GFRA2: variants seen among roughly 807,000 people sequenced by gnomAD.
GFRA2 encodes GDNF family receptor alpha-2.
GFRA2 carries 17 observed loss-of-function variants against 48.3 expected under a neutral mutation model. That is an observed-to-expected ratio of 0.35 (90% CI 0.24 to 0.53). GFRA2 has a LOEUF of 0.53. Ranked by LOEUF, GFRA2 falls within the 20% of genes least tolerant of loss-of-function variation. GFRA2 has a pLI of 0.93. For missense variants in GFRA2, 660 were observed against 637.3 expected (o/e 1.04, Z -0.38); for synonymous variants, 305 against 257.2 (o/e 1.19, Z -1.78).
intron 3 of GFRA2, among the ~76,000 whole-genome samples, chr8:21,753,628 GA>G (rs1805405309): frequency 6.7e-6 from 1 of 150,196 alleles, no homozygotes; most frequent in Admixed American, 6.6e-5. Context: ...CAAAAAAAAA[GA>G]AAAAAAGAAA....
At chr8:21,698,472 G>A (rs575069085) in intron 7 of GFRA2, among the ~76,000 whole-genome samples, 18 of 152,284 alleles carry the variant, frequency 1.2e-4, no homozygotes, top group African/African-American at 4.1e-4. Flanking sequence ...AGCGCAGGCC[G>A]GCATTCCCAG....
chr8:21,726,793 C>T (rs1487428275), intron 4 of GFRA2, among the ~76,000 whole-genome samples: 12 of 149,008 alleles, frequency 8.1e-5, no homozygotes, highest in Admixed American at 1.3e-4. Flanking sequence ...CACTCTGTGG[C>T]CCAGGCTGGA....
rs1394409121 is a variant in GFRA2, at chr8:21,690,558, G to A, written c.*2720C>T. 3 of 152,200 alleles carry A rather than the reference G, an allele frequency of 2.0e-5. No individual in the cohort carries two copies. Among genetic ancestry groups the A allele is most frequent in the Non-Finnish European group, 4.4e-5 (3 of 68,042 alleles). 9.4% of individuals were successfully genotyped at this position (152,200 alleles called of 1,614,324 possible). A position where few individuals can be genotyped will look rare whatever the true frequency, so the allele number is the denominator to read the frequency against. ...GACATTTGAGGGCAGAGTAAAGCTA[G>A]CTAGTATCCACTCCTCCTTCATAAT... On this transcript the variant is annotated 3_prime_UTR_variant, in exon 9 of 9. Coordinates refer to ENST00000524240, the MANE Select transcript of GFRA2 (RefSeq NM_001495.5).
Position 21,788,199 on chromosome 8 carries a change from G to A in GFRA2, c.-40C>T. 1.3e-6 allele frequency: 2 copies of A among 1,593,800 alleles called. No homozygotes were observed. The highest frequency in any genetic ancestry group is 1.7e-6 in the Non-Finnish European group (2 of 1,171,280). On this transcript the variant is annotated 5_prime_UTR_variant, in exon 1 of 9. Coordinates refer to ENST00000524240, the MANE Select transcript of GFRA2 (RefSeq NM_001495.5). ...ACCGTTTTTTTGTCTTTCTCCCTTG[G>A]GTAAAAAAAAATAATAGTAGTAACA...
chr8:21,711,729 A>G (rs1434910484), intron 4 of GFRA2, among the ~76,000 whole-genome samples: 1 of 139,064 alleles, frequency 7.2e-6, no homozygotes, highest in East Asian at 2.1e-4. Flanking sequence ...TTTCTCGCAG[A>G]GGGGGATTTG....
At chr8:21,780,107 C>T (rs1316302743) in intron 2 of GFRA2, among the ~76,000 whole-genome samples, 1 of 150,556 alleles carries the variant, frequency 6.6e-6, no homozygotes, top group Non-Finnish European at 1.5e-5. Context: ...CACCAAAATT[C>T]TGGAAAGAGT....
At chr8:21,725,772 C>G (rs770192989) in intron 4 of GFRA2, among the ~76,000 whole-genome samples, 2 of 152,186 alleles carry the variant, frequency 1.3e-5, no homozygotes, top group Non-Finnish European at 2.9e-5. Flanking sequence ...GAACCCAGGT[C>G]TCTCTGCAGT....
chr8:21,812,185 G>C (rs1217923573), intron 1 of GFRA2: 1 of 152,262 alleles, frequency 6.6e-6, no homozygotes, highest in East Asian at 1.9e-4. Flanking sequence ...AAATGGCCCA[G>C]GACAAAGGGA....
chr8:21,693,186 G>T lies in GFRA2; in HGVS notation c.*92C>A. The T allele has an allele frequency of 8.3e-7, 1 of 1,202,962 alleles. No homozygotes were observed. Among genetic ancestry groups the T allele is most frequent in the Non-Finnish European group, 1.1e-6 (1 of 905,500 alleles). The allele number at this position is 1,202,962 out of a possible 1,614,324, so 74.5% of individuals were successfully genotyped here. ...GGGAAAAACAATTTTTTTTTTGCAAGGTGTGTGTGTGTCTGTGTGTGTTTC... is the reference window on the plus strand; with the variant it reads ...GGGAAAAACAATTTTTTTTTTGCAATGTGTGTGTGTGTCTGTGTGTGTTTC... On this transcript the variant is annotated 3_prime_UTR_variant, in exon 9 of 9. Transcript: ENST00000524240.
At chr8:21,739,818 T>G (rs531847680) in intron 4 of GFRA2, among the ~76,000 whole-genome samples, 2 of 152,204 alleles carry the variant, frequency 1.3e-5, no homozygotes, top group East Asian at 3.9e-4. Flanking sequence ...GGAGGAAGAT[T>G]GAAAGCCGAA....
intron 1 of GFRA2, among the ~76,000 whole-genome samples, chr8:21,787,699 C>G (rs1166741352): frequency 1.3e-5 from 2 of 152,268 alleles, no homozygotes; most frequent in Non-Finnish European, 2.9e-5. Context: ...AAGGCGGACC[C>G]CGCAGGACTG....
intron 4 of GFRA2, among the ~76,000 whole-genome samples, chr8:21,733,586 A>C (rs1203153688): frequency 6.6e-6 from 1 of 152,308 alleles, no homozygotes; most frequent in East Asian, 1.9e-4. Flanking sequence ...AGGTTATCCC[A>C]GGCCGAATAG....
intron 3 of GFRA2, among the ~76,000 whole-genome samples, chr8:21,766,431 A>T (rs1806154183): frequency 6.6e-6 from 1 of 151,968 alleles, no homozygotes; most frequent in Non-Finnish European, 1.5e-5. Context: ...CAGCACCTCG[A>T]ACAAGGCATG....
chr8:21,709,970 A>G (rs576629133), intron 4 of GFRA2, among the ~76,000 whole-genome samples: 90 of 152,334 alleles, frequency 5.9e-4, no homozygotes, highest in Non-Finnish European at 1.0e-3. Flanking sequence ...GCAGGGCCAT[A>G]GGGAGAGAGG....
At chr8:21,716,411 C>A (rs1803337741) in intron 4 of GFRA2, among the ~76,000 whole-genome samples, 1 of 151,952 alleles carries the variant, frequency 6.6e-6, no homozygotes, top group Non-Finnish European at 1.5e-5. Flanking sequence ...AAGAAGCACA[C>A]ACTAGAAAGG....
intron 3 of GFRA2, among the ~76,000 whole-genome samples, chr8:21,756,468 C>A (rs1053851919): frequency 6.6e-6 from 1 of 152,164 alleles, no homozygotes; most frequent in Admixed American, 6.5e-5. Flanking sequence ...AGGCAGCCTG[C>A]GCTGCGTTTT....
chr8:21,750,371 A>C lies in GFRA2; in HGVS notation c.794+217T>G, dbSNP rs1805228570. 6.6e-6 allele frequency among the ~76,000 whole-genome samples: 1 copy of C among 152,268 alleles called. No homozygotes were observed. Among genetic ancestry groups the C allele is most frequent in the Non-Finnish European group, 1.5e-5 (1 of 68,046 alleles). On this transcript the variant is annotated intron_variant, in intron 4 of 8. Transcript: ENST00000524240. The surrounding 1 kb of genome is among the most constrained non-coding windows in gnomAD (Gnocchi z 5.7). ...CCTGTTCTGAGTGAATGAATGAACA[A>C]ATGAATGAATAAAGAAGTAGATGGA...
intron 4 of GFRA2, among the ~76,000 whole-genome samples, chr8:21,715,103 G>A (rs1563223612): frequency 1.3e-5 from 2 of 152,198 alleles, no homozygotes; most frequent in African/African-American, 2.4e-5. Flanking sequence ...AGGGCTCACT[G>A]TGGACAACCT....
At chr8:21,775,129 G>C in intron 2 of GFRA2, 74 bp from the exon 3 acceptor site, 1 of 773,272 alleles carries the variant, frequency 1.3e-6, no homozygotes, top group East Asian at 2.5e-5. Context: ...AAATCTGCCG[G>C]AGGAAAGCTC....
Sources: gnomAD v4.1 joint callset for allele counts (sites outside exome capture counted in the v4.1 genomes callset) on GRCh38, gnomAD v4.1.1 for gene constraint, Gnocchi (gnomAD v3.1) non-coding constraint, MANE v1.5 for transcripts, NCBI Gene and HGNC (gene_info 2026-07-23, HGNC 2026-07-21) for gene names.